The following SPAST variants were observed in gnomAD, a reference collection of about 807,000 sequenced individuals.
The protein encoded by SPAST is spastin.
A neutral mutation model predicts 76.6 loss-of-function variants in SPAST; 30 were observed. The ratio of observed to expected loss-of-function variants is 0.39; its 90% confidence interval spans 0.29 to 0.53. SPAST has a LOEUF of 0.53. Ranked by LOEUF, SPAST falls within the 20% of genes least tolerant of loss-of-function variation. The pLI is 0.68. For missense variants in SPAST, 717 were observed against 770.5 expected (o/e 0.93, Z 0.82); for synonymous variants, 305 against 281.0 (o/e 1.09, Z -0.86).
chr2:32,134,992 G>A (rs900465564), intron 9 of SPAST, among the ~76,000 whole-genome samples: 5 of 152,052 alleles, frequency 3.3e-5, no homozygotes, highest in Admixed American at 2.6e-4. Flanking sequence ...CACCGCACCC[G>A]GCCTCTAGCG....
intron 1 of SPAST, among the ~76,000 whole-genome samples, chr2:32,081,728 A>T (rs1434880742): frequency 4.1e-5 from 6 of 145,654 alleles, no homozygotes; most frequent in African/African-American, 1.5e-4. Context: ...AGGTTGCAGT[A>T]AGCCGAGATC....
At chr2:32,068,761 G>C (rs1676626680) in intron 1 of SPAST, among the ~76,000 whole-genome samples, 1 of 152,038 alleles carries the variant, frequency 6.6e-6, no homozygotes, top group Admixed American at 6.5e-5. Flanking sequence ...GGATGTGGTG[G>C]CGGGTGTGTG....
At position 32,091,704 on chromosome 2, in the gene SPAST, G is replaced by A. The variant is rs374752205; in HGVS notation, c.586+2099G>A. Among the ~76,000 whole-genome samples, 6 of 151,940 alleles carry A rather than the reference G, an allele frequency of 3.9e-5. No homozygotes were observed. In the East Asian group the frequency reaches 1.2e-3, roughly 30 times the overall value. On this transcript the variant is annotated intron_variant, in intron 3 of 16. Transcript: ENST00000315285. ...AAAAAACTAGCCAGGTGTGGTGGCG[G>A]GCACCTGTAGTCCCAGCTACTTGGG...
At chr2:32,128,065 G>T (rs1046145745) in intron 8 of SPAST, 1 of 307,910 alleles carries the variant, frequency 3.2e-6, no homozygotes, top group African/African-American at 2.2e-5. Flanking sequence ...TGTGATCTCG[G>T]CTCACTACCA....
At chr2:32,129,573 T>C (rs1210770190) in intron 9 of SPAST, 2 of 152,246 alleles carry the variant, frequency 1.3e-5, no homozygotes, top group Non-Finnish European at 2.9e-5. Context: ...TAAATATAAC[T>C]GGTGCATTGC....
intron 16 of SPAST, among the ~76,000 whole-genome samples, chr2:32,152,266 C>G (rs114901055): frequency 2.1e-4 from 32 of 152,214 alleles, no homozygotes; most frequent in Non-Finnish European, 3.7e-4. Context: ...ACATCAACAT[C>G]TTTTAAAACC....
At chr2:32,095,468 A>G (rs1677880454) in intron 3 of SPAST, among the ~76,000 whole-genome samples, 4 of 152,128 alleles carry the variant, frequency 2.6e-5, no homozygotes, top group Admixed American at 1.3e-4. Context: ...ACAGTGGCTC[A>G]TACCTGTAAT....
chr2:32,124,951 C>G (rs1004505193), intron 7 of SPAST, among the ~76,000 whole-genome samples: 2 of 151,940 alleles, frequency 1.3e-5, no homozygotes, highest in African/African-American at 4.8e-5. Flanking sequence ...TATGATAATC[C>G]AATGGTGGAT....
Position 32,064,061 on chromosome 2 carries a change from G to A in SPAST, c.230G>A (p.Trp77Ter), listed in dbSNP as rs1676402664. The change falls in exon 1 of 17, where the codon TGG becomes TAG. Residue 77 changes from tryptophan (W) to a stop codon, truncating the protein, a stop_gained. Transcript: ENST00000315285. LOFTEE classifies it high-confidence loss of function. ...TTCCACCTGGGGCTCCTCTTCGTGT[G>A]GCTCTGCCAGCGCTTCTCCCGCGCC... is the stretch of plus-strand genomic sequence containing the variant. Reference protein sequence around the residue: ...VAFHLGLLFVWLCQRFSRALM... With the variant: ...VAFHLGLLFV 1 of 1,613,042 alleles carries A rather than the reference G, an allele frequency of 6.2e-7. No homozygotes were observed. Among genetic ancestry groups the A allele is most frequent in the Non-Finnish European group, 8.5e-7 (1 of 1,179,424 alleles).
At chr2:32,086,186 G>C (rs946468247) in intron 1 of SPAST, among the ~76,000 whole-genome samples, 8 of 152,106 alleles carry the variant, frequency 5.3e-5, no homozygotes, top group African/African-American at 1.9e-4. Flanking sequence ...GGCCAGGTGT[G>C]GTCACTCAGG....
intron 15 of SPAST, 40 bp from the exon 16 acceptor site, chr2:32,147,178 A>T (rs1443220353): frequency 9.4e-6 from 14 of 1,488,616 alleles, no homozygotes; most frequent in Non-Finnish European, 1.1e-5. Context: ...CAACTGCAAA[A>T]TGTATGTATT....
intron 4 of SPAST, among the ~76,000 whole-genome samples, chr2:32,103,213 G>A (rs1040718965): frequency 2.0e-5 from 3 of 152,060 alleles, no homozygotes; most frequent in African/African-American, 7.2e-5. Flanking sequence ...ATGTGTCCAG[G>A]GATTTATCCA....
chr2:32,096,622 T>C (rs1441588680), intron 3 of SPAST, among the ~76,000 whole-genome samples: 1 of 152,104 alleles, frequency 6.6e-6, no homozygotes, highest in African/African-American at 2.4e-5. Flanking sequence ...CGAAAAGAAA[T>C]CCTATAGCTT....
chr2:32,074,706 C>T (rs1409588561), intron 1 of SPAST, among the ~76,000 whole-genome samples: 1 of 151,942 alleles, frequency 6.6e-6, no homozygotes, highest in East Asian at 1.9e-4. Context: ...GGGGTTTCAC[C>T]ATGTTGAGCA....
At chr2:32,066,972 CAAAAAAAAA>C (rs60829143) in intron 1 of SPAST, among the ~76,000 whole-genome samples, 2,539 of 77,616 alleles carry the variant, frequency 0.033, 62 homozygotes, top group Middle Eastern at 0.061. Context: ...AAAACTGTCT[CAAAAAAAAA>C]AAAAAAAAAA....
chr2:32,127,004 G>A lies in SPAST; in HGVS notation c.1155G>A (p.Gly385=), dbSNP rs778305717. 282 of 1,611,924 alleles carry A rather than the reference G, an allele frequency of 1.7e-4. No homozygotes were observed. Among genetic ancestry groups the A allele is most frequent in the Non-Finnish European group, 2.3e-4 (267 of 1,178,172 alleles). ...GGCTGTTACTCTTTGGTCCACCTGG[G>A]AATGGGAAGACAATGCTGGTAAGGG... ...ARGLLLFGPP[G]NGKTMLAKAV... Residue 385 remains glycine (G), a synonymous_variant, in exon 8 of 17, where the codon GGG becomes GGA. Coordinates refer to ENST00000315285, the MANE Select transcript of SPAST (RefSeq NM_014946.4).
chr2:32,118,569 A>G (rs1367730635), intron 7 of SPAST, among the ~76,000 whole-genome samples: 2 of 152,210 alleles, frequency 1.3e-5, no homozygotes, highest in Non-Finnish European at 2.9e-5. Flanking sequence ...ATATTGAAAA[A>G]AAAGCTTGCT....
chr2:32,114,895 C>A, intron 5 of SPAST, 70 bp downstream of exon 5: 1 of 1,095,540 alleles, frequency 9.1e-7, no homozygotes, highest in Non-Finnish European at 1.4e-6. Context: ...ACTATTCCTG[C>A]TTAAGTTGAT....
At chr2:32,140,654 G>A (rs949345138) in intron 12 of SPAST, among the ~76,000 whole-genome samples, 13 of 151,916 alleles carry the variant, frequency 8.6e-5, no homozygotes, top group African/African-American at 3.1e-4. Flanking sequence ...CAGGCGTCAT[G>A]GTGGGTCACA....
Sources: allele counts gnomAD v4.1 joint callset (sites outside exome capture counted in the v4.1 genomes callset), GRCh38; gene constraint gnomAD v4.1.1; transcripts MANE v1.5; gene names NCBI Gene and HGNC (gene_info 2026-07-23, HGNC 2026-07-21).